The following SLC14A2 variants were observed in gnomAD, a reference collection of about 807,000 sequenced individuals.
SLC14A2 encodes the protein solute carrier family 14 member 2, also known as urea transporter 2.
SLC14A2 carries 91 observed loss-of-function variants against 104.6 expected under a neutral mutation model. That is an observed-to-expected ratio of 0.87 (90% CI 0.73 to 1.04). The LOEUF (loss-of-function observed/expected upper bound fraction) is 1.04. Among genes scored for constraint, SLC14A2 ranks in the 50% least tolerant of loss-of-function variants. The probability of loss-of-function intolerance (pLI) is 0.00; values close to 1 mark genes in which losing one functional copy is unlikely to be tolerated. For synonymous variants in SLC14A2, 476 were observed against 466.4 expected, an observed-to-expected ratio of 1.02 and a Z score of -0.27; for missense variants, 1,189 against 1,156.0, an observed-to-expected ratio of 1.03 and a Z score of -0.41.
chr18:45,582,701 C>G (rs952699990), intron 2 of SLC14A2, among the ~76,000 whole-genome samples: 6 of 152,166 alleles, frequency 3.9e-5, no homozygotes, highest in Non-Finnish European at 8.8e-5. Context: ...TCCCACCACC[C>G]TTTACTGCAA....
chr18:45,451,762 A>G (rs2086861501), intron 1 of SLC14A2, among the ~76,000 whole-genome samples: 1 of 152,236 alleles, frequency 6.6e-6, no homozygotes, highest in South Asian at 2.1e-4. Flanking sequence ...TTTACACCAG[A>G]TGACTCCTAA....
chr18:45,478,070 AC>A (rs761152728), intron 1 of SLC14A2, among the ~76,000 whole-genome samples: 13 of 152,148 alleles, frequency 8.5e-5, no homozygotes, highest in Non-Finnish European at 1.8e-4. Context: ...GTCTGCCCAA[AC>A]AACCACCTAC....
At chr18:45,330,676 G>A (rs1252870369) in intron 1 of SLC14A2, among the ~76,000 whole-genome samples, 4 of 152,176 alleles carry the variant, frequency 2.6e-5, no homozygotes, top group African/African-American at 7.2e-5. Context: ...GATGCACCCA[G>A]GCAAGTCTTC....
At position 45,679,437 on chromosome 18, in the gene SLC14A2, A is replaced by T. The variant is rs139435006; in HGVS notation, c.2562+413A>T. Among the ~76,000 whole-genome samples the T allele has an allele frequency of 8.5e-3, 1,287 of 152,274 alleles. 62 individuals carry two copies. Among genetic ancestry groups the T allele is most frequent in the Admixed American group, 0.073 (1,111 of 15,282 alleles). ...CCCTCCATAGAATAAGGGGAGTCAAACCCCAACCAGGCGAGACAGAAGCCA... is the reference window on the plus strand; with the variant it reads ...CCCTCCATAGAATAAGGGGAGTCAATCCCCAACCAGGCGAGACAGAAGCCA... On this transcript the variant is annotated intron_variant, in intron 19 of 19. Transcript: ENST00000255226.
intron 1 of SLC14A2, among the ~76,000 whole-genome samples, chr18:45,243,934 G>A (rs1304032819): frequency 6.6e-6 from 1 of 152,162 alleles, no homozygotes; most frequent in Non-Finnish European, 1.5e-5. Context: ...CAATCTGATT[G>A]GCACAAGAGT....
At chr18:45,536,808 C>G (rs183981891) in intron 2 of SLC14A2, among the ~76,000 whole-genome samples, 1 of 152,290 alleles carries the variant, frequency 6.6e-6, no homozygotes, top group East Asian at 1.9e-4. Flanking sequence ...GGCAATGAAA[C>G]TGGGAGCCTC....
chr18:45,253,745 A>G (rs1481474527), intron 1 of SLC14A2, among the ~76,000 whole-genome samples: 1 of 152,240 alleles, frequency 6.6e-6, no homozygotes, highest in Non-Finnish European at 1.5e-5. Context: ...CAGAGAACAA[A>G]TAGATTTCTT....
intron 2 of SLC14A2, among the ~76,000 whole-genome samples, chr18:45,509,011 A>G (rs1002258660): frequency 6.6e-6 from 1 of 152,188 alleles, no homozygotes; most frequent in South Asian, 2.1e-4. Context: ...AGGATAGAGG[A>G]CCCATGGCCC....
intron 1 of SLC14A2, among the ~76,000 whole-genome samples, chr18:45,280,134 C>A (rs184279539): frequency 6.6e-6 from 1 of 152,180 alleles, no homozygotes; most frequent in Non-Finnish European, 1.5e-5. Context: ...GGCTCCAAGA[C>A]GGTAAAAACC....
In SLC14A2 at chr18:45,217,576, A is replaced by T. The variant is rs568214828; in HGVS notation, c.-125+4385A>T. Reference sequence around the variant, plus strand: ...ATCAGATTTCATATCTTCCTCCCCCACATCCCTAGAGATCTGTATTTATAA... The same window carrying T: ...ATCAGATTTCATATCTTCCTCCCCCTCATCCCTAGAGATCTGTATTTATAA... On this transcript the variant is annotated intron_variant, in intron 1 of 20. Coordinates refer to the SLC14A2 transcript ENST00000586448. Among the ~76,000 whole-genome samples the T allele has an allele frequency of 9.9e-5, 15 of 152,244 alleles. No homozygotes were observed. The East Asian group carries it at 2.9e-3, about 29-fold the overall frequency.
At chr18:45,673,907 AT>A (rs2046184142) in intron 18 of SLC14A2, 90 bp downstream of exon 18, 1 of 1,287,002 alleles carries the variant, frequency 7.8e-7, no homozygotes, top group Non-Finnish European at 1.1e-6. Context: ...TTATTTAGTA[AT>A]TAATAGATTA....
At chr18:45,291,632 A>T (rs187969680) in intron 1 of SLC14A2, among the ~76,000 whole-genome samples, 1 of 152,144 alleles carries the variant, frequency 6.6e-6, no homozygotes, top group East Asian at 1.9e-4. Context: ...GGCATCAGTC[A>T]CTCTTCAGGA....
chr18:45,348,942 A>C (rs1465503530), intron 1 of SLC14A2, among the ~76,000 whole-genome samples: 2 of 152,186 alleles, frequency 1.3e-5, no homozygotes, highest in Non-Finnish European at 2.9e-5. Context: ...GCAGTAGTTG[A>C]CCAGAATGCT....
chr18:45,504,254 C>T (rs1306599715), intron 2 of SLC14A2, among the ~76,000 whole-genome samples: 13 of 152,206 alleles, frequency 8.5e-5, no homozygotes, highest in Admixed American at 8.5e-4. Context: ...GAGGGCTCTT[C>T]CTTCCCTGTC....
intron 1 of SLC14A2, among the ~76,000 whole-genome samples, chr18:45,412,843 G>T (rs937325010): frequency 6.6e-6 from 1 of 152,272 alleles, no homozygotes; most frequent in African/African-American, 2.4e-5. Flanking sequence ...GTAAGTGGAG[G>T]TGACAGGGTG....
At chr18:45,338,578 T>G (rs1173231973) in intron 1 of SLC14A2, among the ~76,000 whole-genome samples, 1 of 146,628 alleles carries the variant, frequency 6.8e-6, no homozygotes, top group Non-Finnish European at 1.5e-5. Context: ...AATTTCTGCC[T>G]CTCTAAAGTG....
intron 1 of SLC14A2, among the ~76,000 whole-genome samples, chr18:45,227,219 C>T (rs900236950): frequency 6.6e-6 from 1 of 152,166 alleles, no homozygotes; most frequent in Non-Finnish European, 1.5e-5. Context: ...TATCTCTCCA[C>T]ACCCTGCAGT....
intron 2 of SLC14A2, among the ~76,000 whole-genome samples, chr18:45,503,758 C>T (rs1381732158): frequency 7.0e-6 from 1 of 143,544 alleles, no homozygotes; most frequent in African/African-American, 2.6e-5. Context: ...AAAAATAAAT[C>T]TCTCCAATAC....
At chr18:45,207,694 A>G in the SLC14A2 span, among the ~76,000 whole-genome samples, 1 of 152,170 alleles carries the variant, frequency 6.6e-6, no homozygotes, top group East Asian at 1.9e-4. Flanking sequence ...ATGTGAAGAG[A>G]GTTAGAGATG....
Sources: allele counts gnomAD v4.1 joint callset (sites outside exome capture counted in the v4.1 genomes callset), GRCh38; gene constraint gnomAD v4.1.1; transcripts MANE v1.5; gene names NCBI Gene and HGNC (gene_info 2026-07-23, HGNC 2026-07-21).